SLX4IP: variants seen among roughly 807,000 people sequenced by gnomAD.
SLX4IP encodes protein SLX4IP.
Under a neutral mutation model 32.9 loss-of-function variants are expected in SLX4IP, and 34 were observed. The observed-to-expected ratio is 1.03, with a 90% CI of 0.79 to 1.38. The LOEUF (loss-of-function observed/expected upper bound fraction) is 1.38, where lower values mean the gene tolerates loss of function less well. Among genes scored for constraint, SLX4IP ranks in the 40% most tolerant of loss-of-function variants. The pLI is 0.00. For missense variants in SLX4IP, 444 were observed against 479.0 expected, an observed-to-expected ratio of 0.93 and a Z score of 0.68; for synonymous variants, 172 against 171.7, an observed-to-expected ratio of 1.00 and a Z score of -0.01.
chr20:10,516,292 A>ATT (rs1201642326), intron 2 of SLX4IP, among the ~76,000 whole-genome samples: 5 of 152,196 alleles, frequency 3.3e-5, no homozygotes, highest in Admixed American at 6.5e-5. Context: ...GCAAGTTTTT[A>ATT]TTCTTTGAGG....
chr20:10,620,776 C>T (rs866080769), intron 6 of SLX4IP, among the ~76,000 whole-genome samples: 1 of 152,118 alleles, frequency 6.6e-6, no homozygotes, highest in Non-Finnish European at 1.5e-5. Context: ...AGGATGGTCT[C>T]GATCTCCTGA....
chr20:10,583,517 A>G (rs1216937071), intron 4 of SLX4IP, among the ~76,000 whole-genome samples: 2 of 152,166 alleles, frequency 1.3e-5, no homozygotes, highest in Admixed American at 6.5e-5. Flanking sequence ...GGAATTTCCC[A>G]CATTTGGATT....
At chr20:10,562,858 G>T (rs1411031947) in intron 4 of SLX4IP, among the ~76,000 whole-genome samples, 4 of 152,202 alleles carry the variant, frequency 2.6e-5, no homozygotes. Context: ...GCTATTGTGA[G>T]TAGCACTGCA....
intron 2 of SLX4IP, among the ~76,000 whole-genome samples, chr20:10,466,888 T>A (rs1055732076): frequency 6.6e-6 from 1 of 151,844 alleles, no homozygotes. Context: ...ATCTTTACTA[T>A]CAATGTTTTT....
Position 10,627,534 on chromosome 20 carries a change from A to C in SLX4IP, c.*4155A>C, listed in dbSNP as rs529880581. ...CAGGACTCACTCTAATTTGCTTTCT[A>C]TATTTATTTACAAGACAGGGAACAA... On this transcript the variant is annotated 3_prime_UTR_variant, in exon 8 of 8. Coordinates refer to ENST00000334534, the MANE Select transcript of SLX4IP (RefSeq NM_001009608.3). The C allele has an allele frequency of 6.6e-6, 1 of 152,348 alleles. No homozygotes were observed. The highest frequency in any genetic ancestry group is 6.5e-5 in the Admixed American group (1 of 15,306). 9.4% of individuals were successfully genotyped at this position (152,348 alleles called of 1,614,324 possible).
intron 4 of SLX4IP, among the ~76,000 whole-genome samples, chr20:10,576,380 A>G (rs1046183413): frequency 6.6e-6 from 1 of 152,148 alleles, no homozygotes; most frequent in Non-Finnish European, 1.5e-5. Flanking sequence ...ATGGTGAATA[A>G]CTGTTCAGGT....
chr20:10,507,808 G>A (rs1410459349), intron 2 of SLX4IP, among the ~76,000 whole-genome samples: 1 of 151,544 alleles, frequency 6.6e-6, no homozygotes, highest in East Asian at 1.9e-4. Flanking sequence ...AGAATTTACA[G>A]CAGTTAACAT....
At chr20:10,593,509 A>G (rs1013942762) in intron 4 of SLX4IP, among the ~76,000 whole-genome samples, 14 of 152,188 alleles carry the variant, frequency 9.2e-5, no homozygotes, top group African/African-American at 3.4e-4. Flanking sequence ...TCCAGGCAGC[A>G]GGATCGCTTG....
intron 2 of SLX4IP, among the ~76,000 whole-genome samples, chr20:10,519,220 A>G (rs1037212595): frequency 4.6e-5 from 7 of 152,154 alleles, no homozygotes; most frequent in African/African-American, 1.4e-4. Context: ...CATAATTCAT[A>G]TACCATAAGA....
intron 2 of SLX4IP, among the ~76,000 whole-genome samples, chr20:10,542,524 A>G (rs1355663267): frequency 6.6e-6 from 1 of 152,076 alleles, no homozygotes; most frequent in African/African-American, 2.4e-5. Flanking sequence ...GATCACTCTT[A>G]TTTGGGTACG....
At chr20:10,520,258 G>C (rs2065891456) in intron 2 of SLX4IP, among the ~76,000 whole-genome samples, 1 of 151,996 alleles carries the variant, frequency 6.6e-6, no homozygotes, top group East Asian at 1.9e-4. Flanking sequence ...CACCGTGTTA[G>C]CCAGGATGGT....
chr20:10,481,240 TAAAGGA>T (rs969401028), intron 2 of SLX4IP, among the ~76,000 whole-genome samples: 1 of 152,162 alleles, frequency 6.6e-6, no homozygotes, highest in Non-Finnish European at 1.5e-5. Context: ...GTTTTACTGT[TAAAGGA>T]AAAGAAATCA....
At chr20:10,507,419 A>G (rs932733364) in intron 2 of SLX4IP, among the ~76,000 whole-genome samples, 3 of 152,128 alleles carry the variant, frequency 2.0e-5, no homozygotes, top group African/African-American at 4.8e-5. Context: ...GTAAGGTTGT[A>G]TAGTCCACGG....
chr20:10,534,273 C>T (rs935027004), intron 2 of SLX4IP, among the ~76,000 whole-genome samples: 1 of 152,184 alleles, frequency 6.6e-6, no homozygotes, highest in Non-Finnish European at 1.5e-5. Flanking sequence ...TCCCTGCCTC[C>T]TTCCTTTCTT....
chr20:10,503,945 TACA>T (rs1411081606), intron 2 of SLX4IP, among the ~76,000 whole-genome samples: 1 of 152,214 alleles, frequency 6.6e-6, no homozygotes, highest in Non-Finnish European at 1.5e-5. Context: ...TTAACCTGAT[TACA>T]ACTGCAAAGA....
intron 2 of SLX4IP, among the ~76,000 whole-genome samples, chr20:10,470,441 G>T (rs1235002047): frequency 6.6e-6 from 1 of 152,158 alleles, no homozygotes; most frequent in Admixed American, 6.5e-5. Context: ...TCTAGTAGTA[G>T]GCTCTTGGAA....
At chr20:10,496,959 A>G (rs1170335047) in intron 2 of SLX4IP, among the ~76,000 whole-genome samples, 1 of 152,214 alleles carries the variant, frequency 6.6e-6, no homozygotes, top group Non-Finnish European at 1.5e-5. Flanking sequence ...ACATTGAACA[A>G]CTTTCACAGT....
rs532869827 is a variant in SLX4IP, at chr20:10,506,226, C to T, written c.27+47995C>T. Among the ~76,000 whole-genome samples the T allele has an allele frequency of 2.2e-4, 34 of 152,274 alleles. No homozygotes were observed. The South Asian group carries it at 7.1e-3, about 32-fold the overall frequency. On this transcript the variant is annotated intron_variant, in intron 2 of 7. Transcript: ENST00000334534. ...AGCAATTAGAGTCTGTAGTTGACTT[C>T]CAAACTTGGGGTACAGAATAAGTGA...
intron 5 of SLX4IP, 124 bp downstream of exon 5, chr20:10,598,876 G>A: frequency 1.0e-6 from 1 of 960,872 alleles, no homozygotes; most frequent in Non-Finnish European, 1.6e-6. Context: ...TCTTGAGTGT[G>A]TCCGAAAGTT....
Sources: gnomAD v4.1 joint callset for allele counts (sites outside exome capture counted in the v4.1 genomes callset) on GRCh38, gnomAD v4.1.1 for gene constraint, MANE v1.5 for transcripts, NCBI Gene and HGNC (gene_info 2026-07-23, HGNC 2026-07-21) for gene names.